Variants in DMTN observed in about 807,000 individuals in gnomAD.
DMTN encodes the protein dematin.
In DMTN, 27 loss-of-function variants were observed where a neutral mutation model predicts 59.4. The ratio of observed to expected loss-of-function variants is 0.45; its 90% CI spans 0.33 to 0.63. DMTN has a LOEUF of 0.63. Among genes scored for constraint, DMTN ranks in the 20% least tolerant of loss-of-function variants. The pLI, the probability that DMTN is intolerant of heterozygous loss-of-function variation, is 0.02. For missense variants in DMTN, 451 were observed against 528.9 expected, an observed-to-expected ratio of 0.85 and a Z score of 1.45; for synonymous variants, 221 against 203.7, an observed-to-expected ratio of 1.08 and a Z score of -0.72.
rs1807537376 is a variant in DMTN, at chr8:22,062,717, G to A, written c.-171-3988G>A. On this transcript the variant is annotated intron_variant, in intron 1 of 15. Coordinates refer to ENST00000358242, the MANE Select transcript of DMTN (RefSeq NM_001387751.1). ...ACGAGGCCACTATGGCCTGACATTC[G>A]AGCTGGAGGAAAAGCACTTCTCCTC... Among the ~76,000 whole-genome samples the A allele has an allele frequency of 4.9e-5, 7 of 143,600 alleles. No homozygotes were observed. In the South Asian group the frequency reaches 1.5e-3, roughly 31 times the overall value. The allele number at this position is 143,600 out of a possible 152,430, so 94.2% of individuals were successfully genotyped here. A position where few individuals can be genotyped will look rare whatever the true frequency, so the allele number is the denominator to read the frequency against.
chr8:22,069,769 G>T, intron 6 of DMTN, 112 bp from the exon 7 acceptor site: 1 of 1,297,404 alleles, frequency 7.7e-7, no homozygotes, highest in East Asian at 2.3e-5. Flanking sequence ...CTTGGCTCTT[G>T]ACAGGGGCCA....
In DMTN at chr8:22,079,255, AAAAT is replaced by A. The variant is rs1228605986; in HGVS notation, c.836-903_836-900del. ...TGAGGCCTGGTTTCTACAAAAAATAAAAATAAATAAATAAATAAATAAATATATA... is the reference window on the plus strand; with the variant it reads ...TGAGGCCTGGTTTCTACAAAAAATAAAAATAAATAAATAAATAAATATATA... On this transcript the variant is annotated intron_variant, in intron 10 of 15. Transcript: ENST00000358242. Among the ~76,000 whole-genome samples the A allele has an allele frequency of 8.2e-4, 68 of 83,416 alleles. 3 individuals are homozygous for A. Among genetic ancestry groups the A allele is most frequent in the African/African-American group, 1.9e-3 (41 of 22,156 alleles). 54.7% of individuals were successfully genotyped at this position (83,416 alleles called of 152,430 possible).
chr8:22,053,180 G>A (rs1057202004), upstream of DMTN, among the ~76,000 whole-genome samples: 4 of 152,210 alleles, frequency 2.6e-5, no homozygotes, highest in Non-Finnish European at 4.4e-5. Context: ...AATTTGTGTA[G>A]AGAAGTGGCA....
chr8:22,052,902 GCA>G (rs1395644779), upstream of DMTN, among the ~76,000 whole-genome samples: 4 of 152,132 alleles, frequency 2.6e-5, no homozygotes, highest in South Asian at 2.1e-4. Flanking sequence ...AGTGAGCACT[GCA>G]CTCTAGATTC....
chr8:22,065,743 G>C (rs989563642), intron 1 of DMTN, among the ~76,000 whole-genome samples: 4 of 151,742 alleles, frequency 2.6e-5, no homozygotes, highest in Non-Finnish European at 5.9e-5. Context: ...GCTGAGACAG[G>C]AGAATCGCTT....
In DMTN at chr8:22,067,585, A is replaced by G. The variant is rs1239513601; in HGVS notation, c.152A>G (p.Lys51Arg). Residue 51 changes from lysine (K) to arginine (R), a missense_variant, in exon 4 of 16, where the codon AAG (lysine) becomes AGG (arginine). Lys to Arg is a conservative substitution (Grantham distance 26, BLOSUM62 2). Transcript: ENST00000358242. The stretch of plus-strand genomic sequence containing the variant: ...GACCTGGCTGCCATCCCCAAGGACA[A>G]GGCCATCCTGGACATCGAGCGGCCC... Reference protein sequence around the residue: ...YKDLAAIPKDKAILDIERPDL... With the variant: ...YKDLAAIPKDRAILDIERPDL... The G allele has an allele frequency of 6.2e-7, 1 of 1,614,224 alleles. No individual in the cohort carries two copies. Among genetic ancestry groups the G allele is most frequent in the East Asian group, 2.2e-5 (1 of 44,880 alleles).
chr8:22,061,108 CA>C (rs981774363), intron 1 of DMTN, among the ~76,000 whole-genome samples: 5,421 of 122,188 alleles, frequency 0.044, 302 homozygotes, highest in African/African-American at 0.14. Flanking sequence ...CCCATCTTTA[CA>C]AAAAAAAAAA....
At chr8:22,072,579 T>A (rs1816466521) in intron 9 of DMTN, 129 bp downstream of exon 9, 1 of 908,178 alleles carries the variant, frequency 1.1e-6, no homozygotes, top group Admixed American at 3.2e-5. Context: ...TTCTCCTGCC[T>A]CAACCTCTTG....
chr8:22,081,663 C>G lies in DMTN; in HGVS notation c.*200C>G. ...CTCACAAGGCTGGGGGCCTCCTGCT[C>G]TCGTCCCTGGCCCTCCCTGCACAGG... On this transcript the variant is annotated 3_prime_UTR_variant, in exon 16 of 16. Transcript: ENST00000358242. 1 of 608,240 alleles carries G rather than the reference C, an allele frequency of 1.6e-6. No homozygotes were observed. Among genetic ancestry groups the G allele is most frequent in the Non-Finnish European group, 2.9e-6 (1 of 340,096 alleles). 37.7% of individuals were successfully genotyped at this position (608,240 alleles called of 1,614,324 possible).
In DMTN at chr8:22,069,416, C is replaced by T. The variant is rs760897459; in HGVS notation, c.295-3C>T. 9 of 1,612,178 alleles carry T rather than the reference C, an allele frequency of 5.6e-6. No homozygotes were observed. Among genetic ancestry groups the T allele is most frequent in the Non-Finnish European group, 6.8e-6 (8 of 1,179,118 alleles). ...CCTGGAGCCACACGCTTCTGCTCTG[C>T]AGGTGTGGGCGGACAGCCGGTCGCC... On this transcript the variant is annotated splice_region_variant and splice_polypyrimidine_tract_variant and intron_variant, in intron 5 of 15. Transcript: ENST00000358242.
chr8:22,079,715 C>A (rs1822868406), intron 10 of DMTN, among the ~76,000 whole-genome samples: 2 of 151,974 alleles, frequency 1.3e-5, no homozygotes, highest in South Asian at 4.1e-4. Flanking sequence ...CCACCTTGGC[C>A]TCCCAAAGTG....
rs1824124148 is a variant in DMTN, at chr8:22,081,282, T to A, written c.1105-68T>A. The A allele has an allele frequency of 3.8e-6, 6 of 1,586,050 alleles. No homozygotes were observed. The South Asian group carries it at 6.6e-5, about 18-fold the overall frequency. On this transcript the variant is annotated intron_variant, in intron 15 of 15. Transcript: ENST00000358242. ...AAGATCTGGGGCCTCTATGAGTGAG[T>A]GTCCCCTAGGTCACTGGGCACAGCC...
intron 5 of DMTN, 95 bp from the exon 6 acceptor site, chr8:22,069,324 G>A (rs1242939967): frequency 8.8e-7 from 1 of 1,135,910 alleles, no homozygotes; most frequent in Non-Finnish European, 1.3e-6. Flanking sequence ...AGCCGGCCAG[G>A]ATGGGAGGAC....
At chr8:22,067,187 C>T (rs1402327097) in intron 3 of DMTN, 28 bp downstream of exon 3, 2 of 1,605,544 alleles carry the variant, frequency 1.2e-6, no homozygotes, top group African/African-American at 1.3e-5. Context: ...CCACCAGCAA[C>T]CCCTGGCTGG....
intron 1 of DMTN, chr8:22,059,456 G>A (rs913230036): frequency 6.6e-6 from 1 of 152,262 alleles, no homozygotes; most frequent in African/African-American, 2.4e-5. Flanking sequence ...TTCTACAGAT[G>A]CCATCAACGA....
At chr8:22,051,470 T>C (rs1801346093), upstream of DMTN, among the ~76,000 whole-genome samples, 1 of 152,168 alleles carries the variant, frequency 6.6e-6, no homozygotes, top group African/African-American at 2.4e-5. Context: ...GCCGAAAGCC[T>C]TGCCTCAGTC....
intron 9 of DMTN, among the ~76,000 whole-genome samples, chr8:22,073,520 C>T (rs1188449234): frequency 6.6e-6 from 1 of 150,830 alleles, no homozygotes; most frequent in African/African-American, 2.4e-5. Context: ...GGTCCCAGCT[C>T]CTCAGGAGGC....
At chr8:22,069,632 G>A (rs753875036) in intron 6 of DMTN, 114 bp downstream of exon 6, 3 of 986,670 alleles carry the variant, frequency 3.0e-6, no homozygotes, top group Non-Finnish European at 4.5e-6. Flanking sequence ...TCAGGGCTAA[G>A]TAGGCCCCAG....
intron 10 of DMTN, among the ~76,000 whole-genome samples, chr8:22,079,301 T>TATATATATATATA (rs199745360): frequency 1.2e-3 from 102 of 84,774 alleles, no homozygotes; most frequent in African/African-American, 1.9e-3. Context: ...TATATATATA[T>TATATATATATATA]TAGCTGGGTT....
Sources: allele counts gnomAD v4.1 joint callset (sites outside exome capture counted in the v4.1 genomes callset), GRCh38; gene constraint gnomAD v4.1.1; transcripts MANE v1.5; gene names NCBI Gene and HGNC (gene_info 2026-07-23, HGNC 2026-07-21).